Variants in SCFD2 observed in about 807,000 individuals in gnomAD.
SCFD2 encodes sec1 family domain containing 2.
A neutral mutation model predicts 58.9 loss-of-function variants in SCFD2; 54 were observed. The observed-to-expected ratio is 0.92, with a 90% CI of 0.74 to 1.15. The LOEUF (loss-of-function observed/expected upper bound fraction) is 1.15, where lower values mean the gene tolerates loss of function less well. SCFD2 is among the 50% of genes most tolerant of loss of function. SCFD2 has a pLI of 0.00. For missense variants in SCFD2, 805 were observed against 836.6 expected (o/e 0.96, Z 0.47); for synonymous variants, 321 against 335.9 (o/e 0.96, Z 0.49).
intron 5 of SCFD2, among the ~76,000 whole-genome samples, chr4:52,926,901 T>C (rs1257671193): frequency 4.6e-5 from 7 of 152,224 alleles, no homozygotes; most frequent in Admixed American, 4.6e-4. Flanking sequence ...AATGATTGTT[T>C]TTAAAATGGA....
At chr4:53,206,464 AT>A (rs1398046801) in intron 4 of SCFD2, among the ~76,000 whole-genome samples, 1 of 152,118 alleles carries the variant, frequency 6.6e-6, no homozygotes, top group Non-Finnish European at 1.5e-5. Context: ...GTTAACCCAA[AT>A]TTAGAAAGAA....
intron 4 of SCFD2, among the ~76,000 whole-genome samples, chr4:53,187,475 C>T (rs1198148514): frequency 6.6e-6 from 1 of 151,964 alleles, no homozygotes; most frequent in Non-Finnish European, 1.5e-5. Context: ...GGCATTTATA[C>T]CAAGGAAATA....
At chr4:52,941,947 C>T (rs1280032445) in intron 5 of SCFD2, among the ~76,000 whole-genome samples, 1 of 152,176 alleles carries the variant, frequency 6.6e-6, no homozygotes, top group East Asian at 1.9e-4. Flanking sequence ...ATGAGCATTT[C>T]CTTTGAGTAT....
intron 4 of SCFD2, among the ~76,000 whole-genome samples, chr4:53,213,060 G>A (rs1393725835): frequency 3.9e-5 from 6 of 152,102 alleles, no homozygotes; most frequent in African/African-American, 1.5e-4. Flanking sequence ...TAAATGAAGT[G>A]TGTGTAAACG....
At chr4:53,048,172 G>A (rs541810406) in intron 5 of SCFD2, among the ~76,000 whole-genome samples, 33 of 152,268 alleles carry the variant, frequency 2.2e-4, no homozygotes, top group Non-Finnish European at 3.7e-4. Context: ...TCAACATGGC[G>A]AAATCCTGTC....
chr4:53,330,135 T>C (rs2149130494), intron 2 of SCFD2, among the ~76,000 whole-genome samples: 1 of 152,260 alleles, frequency 6.6e-6, no homozygotes, highest in East Asian at 1.9e-4. Flanking sequence ...TACCTGAAAG[T>C]GATGGGGAGA....
At chr4:53,252,356 C>A (rs370888644) in intron 4 of SCFD2, among the ~76,000 whole-genome samples, 12 of 150,788 alleles carry the variant, frequency 8.0e-5, no homozygotes, top group South Asian at 2.1e-4. Context: ...GCTACCAATG[C>A]CTTTCTTCAC....
chr4:53,281,386 A>T (rs1731504469), intron 3 of SCFD2, among the ~76,000 whole-genome samples: 2 of 152,216 alleles, frequency 1.3e-5, no homozygotes, highest in Non-Finnish European at 2.9e-5. Context: ...TCAGAAATGC[A>T]TATATATCAT....
At chr4:53,107,350 T>C (rs1725035019) in intron 5 of SCFD2, among the ~76,000 whole-genome samples, 1 of 152,202 alleles carries the variant, frequency 6.6e-6, no homozygotes, top group African/African-American at 2.4e-5. Context: ...AGCATCATAA[T>C]GACAGGATTA....
At chr4:52,899,693 G>T (rs1013657602) in intron 7 of SCFD2, among the ~76,000 whole-genome samples, 2 of 152,110 alleles carry the variant, frequency 1.3e-5, no homozygotes, top group Non-Finnish European at 2.9e-5. Context: ...TTGAATGTTG[G>T]CCTGCCTTGC....
At chr4:53,166,549 A>G (rs544716904) in intron 4 of SCFD2, among the ~76,000 whole-genome samples, 466 of 152,310 alleles carry the variant, frequency 3.1e-3, no homozygotes, top group Non-Finnish European at 5.2e-3. Context: ...ACAAATTTTG[A>G]AGTTACAAGA....
intron 4 of SCFD2, among the ~76,000 whole-genome samples, chr4:53,197,132 T>G (rs1577829976): frequency 6.6e-6 from 1 of 152,170 alleles, no homozygotes; most frequent in Middle Eastern, 3.4e-3. Flanking sequence ...GGAGGAAAAT[T>G]TCCTCTGTTT....
At chr4:53,302,323 C>A (rs1732340834) in intron 3 of SCFD2, among the ~76,000 whole-genome samples, 1 of 152,068 alleles carries the variant, frequency 6.6e-6, no homozygotes, top group Non-Finnish European at 1.5e-5. Context: ...AAACAGATAG[C>A]CAAATCATCA....
intron 2 of SCFD2, among the ~76,000 whole-genome samples, chr4:53,325,734 A>T (rs917595125): frequency 6.6e-6 from 1 of 152,234 alleles, no homozygotes; most frequent in African/African-American, 2.4e-5. Flanking sequence ...GGTAGGCATT[A>T]TTATAACCAA....
At chr4:53,256,675 G>A (rs1435641684) in intron 4 of SCFD2, among the ~76,000 whole-genome samples, 4 of 152,058 alleles carry the variant, frequency 2.6e-5, no homozygotes, top group African/African-American at 4.8e-5. Context: ...AGGAGCTGGA[G>A]ACCAGCCTGG....
intron 5 of SCFD2, among the ~76,000 whole-genome samples, chr4:53,032,962 G>A (rs1325932394): frequency 6.6e-6 from 1 of 152,130 alleles, no homozygotes; most frequent in East Asian, 1.9e-4. Context: ...TCTGGACCAA[G>A]CAGACCTAAT....
intron 5 of SCFD2, among the ~76,000 whole-genome samples, chr4:52,952,737 A>T (rs1480608489): frequency 5.3e-5 from 8 of 152,196 alleles, no homozygotes. Flanking sequence ...ACAGCATTAC[A>T]ATCTGTTAGA....
At chr4:53,328,323 C>T (rs1733282312) in intron 2 of SCFD2, among the ~76,000 whole-genome samples, 1 of 152,074 alleles carries the variant, frequency 6.6e-6, no homozygotes, top group Non-Finnish European at 1.5e-5. Flanking sequence ...AAATACAATT[C>T]TCCACCAAAA....
At chr4:53,186,486 A>G (rs1191292680) in intron 4 of SCFD2, among the ~76,000 whole-genome samples, 3 of 152,106 alleles carry the variant, frequency 2.0e-5, no homozygotes, top group East Asian at 3.9e-4. Context: ...ACTTACTTAT[A>G]CTAGCATTAA....
Sources: gnomAD v4.1 joint callset for allele counts (sites outside exome capture counted in the v4.1 genomes callset) on GRCh38, gnomAD v4.1.1 for gene constraint, MANE v1.5 for transcripts, NCBI Gene and HGNC (gene_info 2026-07-23, HGNC 2026-07-21) for gene names.